The following BRD10 variants were observed in gnomAD, a reference collection of about 807,000 sequenced individuals.
BRD10 encodes the protein uncharacterized bromodomain-containing protein 10.
At chr9:5,888,567 T>C in the BRD10 span, among the ~76,000 whole-genome samples, 1 of 152,196 alleles carries the variant, frequency 6.6e-6, no homozygotes, top group Non-Finnish European at 1.5e-5. Context: ...ACATCGACAA[T>C]GCATTTGGCC....
the BRD10 span, among the ~76,000 whole-genome samples, chr9:5,932,848 T>C: frequency 1.3e-5 from 2 of 152,324 alleles, no homozygotes; most frequent in East Asian, 3.9e-4. Context: ...AGTACCTATA[T>C]TTACATGTAG....
chr9:5,945,160 A>C, the BRD10 span, among the ~76,000 whole-genome samples: 9 of 152,238 alleles, frequency 5.9e-5, no homozygotes, highest in Middle Eastern at 3.4e-3. Flanking sequence ...AGTATAAAAG[A>C]AGCTGAAATT....
chr9:5,966,393 A>G, the BRD10 span, among the ~76,000 whole-genome samples: 1 of 150,440 alleles, frequency 6.6e-6, no homozygotes, highest in Non-Finnish European at 1.5e-5. Flanking sequence ...ATACTATATA[A>G]TTGAGTTGGG....
the BRD10 span, among the ~76,000 whole-genome samples, chr9:5,937,770 T>C: frequency 3.3e-5 from 5 of 152,180 alleles, no homozygotes; most frequent in African/African-American, 9.7e-5. Context: ...CAAGCCAAAC[T>C]GCAGTAAGTA....
chr9:5,977,712 G>A, the BRD10 span, among the ~76,000 whole-genome samples: 1 of 152,154 alleles, frequency 6.6e-6, no homozygotes, highest in Non-Finnish European at 1.5e-5. Flanking sequence ...GCAAGCGCCT[G>A]TAGTCCCAGC....
the BRD10 span, among the ~76,000 whole-genome samples, chr9:5,954,816 C>T: frequency 6.6e-5 from 10 of 152,216 alleles, no homozygotes; most frequent in African/African-American, 1.9e-4. Flanking sequence ...TTAGACCAGG[C>T]GCGGTGGCTC....
the BRD10 span, among the ~76,000 whole-genome samples, chr9:5,880,703 CTT>C: frequency 1.0e-4 from 14 of 138,736 alleles, no homozygotes; most frequent in South Asian, 2.3e-4. Context: ...TCCAACATTA[CTT>C]TTTTTTTTTT....
chr9:5,914,580 C>A, the BRD10 span, among the ~76,000 whole-genome samples: 1 of 151,764 alleles, frequency 6.6e-6, no homozygotes, highest in Non-Finnish European at 1.5e-5. Flanking sequence ...CCCACCACCA[C>A]GCTCGGCTAA....
At chr9:5,968,036 T>A in the BRD10 span, 1 of 1,522,678 alleles carries the variant, frequency 6.6e-7, no homozygotes, top group Non-Finnish European at 8.8e-7. Flanking sequence ...GTGCTTCTTG[T>A]GTTTTGCTTT....
chr9:5,933,256 T>C, the BRD10 span, among the ~76,000 whole-genome samples: 3 of 152,216 alleles, frequency 2.0e-5, no homozygotes, highest in African/African-American at 7.2e-5. Context: ...TTTCACTATT[T>C]TCATAGGCAA....
At chr9:5,969,071 G>C in the BRD10 span, 1 of 1,613,208 alleles carries the variant, frequency 6.2e-7, no homozygotes, top group East Asian at 2.2e-5. Context: ...AGGATTTTCA[G>C]TTTGCCCTAC....
chr9:5,933,352 A>AT, the BRD10 span, among the ~76,000 whole-genome samples: 11 of 152,332 alleles, frequency 7.2e-5, no homozygotes, highest in African/African-American at 2.6e-4. Flanking sequence ...GACAAGCAGT[A>AT]TTTTTCTTTT....
chr9:5,988,157 T>C, the BRD10 span, among the ~76,000 whole-genome samples: 16 of 152,328 alleles, frequency 1.1e-4, no homozygotes, highest in East Asian at 1.7e-3. Context: ...TATTTTTGTA[T>C]AGCTTCAAGA....
chr9:5,950,597 T>C, the BRD10 span, among the ~76,000 whole-genome samples: 1 of 152,208 alleles, frequency 6.6e-6, no homozygotes, highest in East Asian at 1.9e-4. Context: ...ATCTTCATTT[T>C]AAATAAAGGT....
chr9:5,991,657 G>A, the BRD10 span, among the ~76,000 whole-genome samples: 15 of 151,360 alleles, frequency 9.9e-5, no homozygotes, highest in African/African-American at 2.9e-4. Context: ...CCTAGGAGGC[G>A]GAGGTTGCAG....
At chr9:5,988,069 T>C in the BRD10 span, among the ~76,000 whole-genome samples, 15 of 152,224 alleles carry the variant, frequency 9.9e-5, no homozygotes, top group Non-Finnish European at 2.2e-4. Flanking sequence ...AAAATTCCTC[T>C]AATTTAAAAC....
chr9:5,879,227 C>G, the BRD10 span, among the ~76,000 whole-genome samples: 1 of 152,108 alleles, frequency 6.6e-6, no homozygotes, highest in African/African-American at 2.4e-5. Flanking sequence ...CTTTAGGAGG[C>G]TGAGGTGGGC....
the BRD10 span, among the ~76,000 whole-genome samples, chr9:5,884,754 G>T: frequency 2.6e-5 from 4 of 152,234 alleles, no homozygotes; most frequent in African/African-American, 7.2e-5. Context: ...CACTCCAAAG[G>T]TCATTTTAAT....
chr9:5,909,681 T>G, the BRD10 span: 3 of 152,258 alleles, frequency 2.0e-5, no homozygotes, highest in African/African-American at 7.2e-5. Context: ...AGGATTTAAA[T>G]AAGTAAAAGC....
Sources: allele counts gnomAD v4.1 joint callset (sites outside exome capture counted in the v4.1 genomes callset), GRCh38; gene constraint gnomAD v4.1.1; transcripts MANE v1.5; gene names NCBI Gene and HGNC (gene_info 2026-07-23, HGNC 2026-07-21).